NMD3: variants seen among roughly 807,000 people sequenced by gnomAD.
NMD3 encodes 60S ribosomal export protein NMD3.
In NMD3, 47 loss-of-function variants were observed where a neutral mutation model predicts 73.1. The observed-to-expected ratio is 0.64, with a 90% confidence interval of 0.51 to 0.82. The LOEUF is 0.82. Ranked by LOEUF, NMD3 falls within the 40% of genes least tolerant of loss-of-function variation. NMD3 has a pLI of 0.00. For synonymous variants in NMD3, 210 were observed against 194.5 expected (o/e 1.08, Z -0.66); for missense variants, 554 against 612.5 (o/e 0.90, Z 1.01).
At chr3:161,227,466 G>C in intron 4 of NMD3, 123 bp downstream of exon 4, 1 of 558,458 alleles carries the variant, frequency 1.8e-6, no homozygotes, top group South Asian at 2.1e-5. Context: ...TTTTTGAGGT[G>C]GGGTCTTGAA....
At chr3:161,226,292 A>G (rs554013695) in intron 3 of NMD3, among the ~76,000 whole-genome samples, 163 of 152,096 alleles carry the variant, frequency 1.1e-3, no homozygotes, top group African/African-American at 3.7e-3. Context: ...TGTCTCTACT[A>G]AAAATACAAA....
chr3:161,225,150 A>T lies in NMD3; in HGVS notation c.179+86A>T, dbSNP rs555028780. Reference sequence around the variant, plus strand: ...AGATATGCTGAGATTACACGAAGGTATATGGAGTAAAGTGCATGCAATTAA... The same window carrying T: ...AGATATGCTGAGATTACACGAAGGTTTATGGAGTAAAGTGCATGCAATTAA... On this transcript the variant is annotated intron_variant, in intron 3 of 15. Coordinates refer to ENST00000351193, the MANE Select transcript of NMD3 (RefSeq NM_015938.5). 3 of 1,394,762 alleles carry T rather than the reference A, an allele frequency of 2.2e-6. No individual in the cohort carries two copies. The South Asian group carries it at 4.2e-5, about 19-fold the overall frequency. 86.4% of individuals were successfully genotyped at this position (1,394,762 alleles called of 1,614,324 possible).
chr3:161,253,002 C>A, downstream of NMD3: 1 of 325,564 alleles, frequency 3.1e-6, no homozygotes, highest in Non-Finnish European at 5.7e-6. Flanking sequence ...GACGCTGAGG[C>A]AGGAGAATCA....
intron 3 of NMD3, among the ~76,000 whole-genome samples, chr3:161,225,486 G>T (rs1356209542): frequency 2.0e-5 from 3 of 151,856 alleles, no homozygotes; most frequent in African/African-American, 7.3e-5. Context: ...TAACATTCAC[G>T]TGTAATTAAA....
chr3:161,244,272 A>G (rs1737105253), intron 11 of NMD3, among the ~76,000 whole-genome samples: 1 of 151,990 alleles, frequency 6.6e-6, no homozygotes, highest in African/African-American at 2.4e-5. Flanking sequence ...TGGGACCACA[A>G]GTATGTGCCA....
chr3:161,228,804 G>T (rs754436000), intron 4 of NMD3, among the ~76,000 whole-genome samples: 12 of 152,110 alleles, frequency 7.9e-5, no homozygotes, highest in Non-Finnish European at 1.8e-4. Context: ...CCAGTGTGGA[G>T]CAGCATGTTA....
Position 161,250,302 on chromosome 3 carries a change from C to A in NMD3, c.1357C>A (p.Arg453=), listed in dbSNP as rs750384531. ...LEDLEEDEAI[R]KNVNIYRDSA... ...AGATCTTGAAGAAGATGAGGCAATT[C>A]GAAAAAATGTCAACATTTACAGAGG... The change falls in exon 15 of 16, where the codon CGA becomes AGA. Residue 453 remains arginine, a synonymous_variant. Coordinates refer to ENST00000351193, the MANE Select transcript of NMD3 (RefSeq NM_015938.5). 3.7e-6 allele frequency: 6 copies of A among 1,602,522 alleles called. No homozygotes were observed. The highest frequency in any genetic ancestry group is 5.1e-6 in the Non-Finnish European group (6 of 1,170,594).
At chr3:161,240,371 T>G (rs1056791956) in intron 9 of NMD3, among the ~76,000 whole-genome samples, 1 of 152,140 alleles carries the variant, frequency 6.6e-6, no homozygotes, top group Non-Finnish European at 1.5e-5. Context: ...TAATGGAGAT[T>G]GAAAGAAGTC....
intron 13 of NMD3, among the ~76,000 whole-genome samples, chr3:161,248,576 A>G (rs1009283398): frequency 6.6e-5 from 10 of 152,170 alleles, no homozygotes; most frequent in African/African-American, 2.2e-4. Context: ...ACTTCGTTTC[A>G]CATACATTGT....
chr3:161,252,475 TCTA>T (rs1198952457), downstream of NMD3, among the ~76,000 whole-genome samples: 2 of 152,220 alleles, frequency 1.3e-5, no homozygotes, highest in Non-Finnish European at 2.9e-5. Flanking sequence ...ATTTTGATGT[TCTA>T]TTAAGTATTG....
intron 11 of NMD3, among the ~76,000 whole-genome samples, chr3:161,244,654 TTTTA>T (rs1737126368): frequency 6.6e-6 from 1 of 150,598 alleles, no homozygotes; most frequent in African/African-American, 2.4e-5. Flanking sequence ...TTTTTTTTTT[TTTTA>T]AAGAGACAAG....
intron 2 of NMD3, 63 bp downstream of exon 2, chr3:161,222,120 C>T: frequency 1.5e-6 from 2 of 1,349,666 alleles, no homozygotes; most frequent in Non-Finnish European, 2.1e-6. Context: ...CCGGGAAACT[C>T]ACTATGGAGA....
At position 161,250,765 on chromosome 3, in the gene NMD3, T is replaced by C. The variant is rs762732104; in HGVS notation, c.1382-15T>C. On this transcript the variant is annotated splice_polypyrimidine_tract_variant and intron_variant, in intron 15 of 15. Transcript: ENST00000351193. ...AATACTTTGTATTTATTTTATTCTCTTTGTATTTTTTTAGATTCAGCCATC... is the reference window on the plus strand; with the variant it reads ...AATACTTTGTATTTATTTTATTCTCCTTGTATTTTTTTAGATTCAGCCATC... 1 of 1,560,320 alleles carries C rather than the reference T, an allele frequency of 6.4e-7. No individual in the cohort carries two copies. The highest frequency in any genetic ancestry group is 8.8e-7 in the Non-Finnish European group (1 of 1,135,586).
In NMD3 at chr3:161,235,331, GGA is replaced by G; in HGVS notation, c.577+120_577+121del. ...TACTGTCCAAAAGAACTTTCTGTTA[GGA>G]AAAAAAAAAAAAACAACTTAATTCT... On this transcript the variant is annotated intron_variant, in intron 7 of 15. Coordinates refer to ENST00000351193, the MANE Select transcript of NMD3 (RefSeq NM_015938.5). 1.3e-5 allele frequency: 5 copies of G among 385,966 alleles called. No individual in the cohort carries two copies. The South Asian group carries it at 1.9e-4, about 15-fold the overall frequency. The allele number at this position is 385,966 out of a possible 1,614,324, so 23.9% of individuals were successfully genotyped here.
chr3:161,249,984 C>G (rs1576862068), intron 14 of NMD3, among the ~76,000 whole-genome samples: 1 of 151,960 alleles, frequency 6.6e-6, no homozygotes, highest in South Asian at 2.1e-4. Context: ...AAAAAGGAAA[C>G]AGCTCATTGA....
intron 13 of NMD3, 144 bp downstream of exon 13, chr3:161,247,474 A>T (rs968740875): frequency 7.4e-4 from 261 of 351,090 alleles, no homozygotes; most frequent in South Asian, 9.5e-4. Flanking sequence ...TAATAGCAAA[A>T]TTTTTTTTTT....
At position 161,224,980 on chromosome 3, in the gene NMD3, G is replaced by T. The variant is rs781518343; in HGVS notation, c.95G>T (p.Cys32Phe). The T allele has an allele frequency of 6.2e-7, 1 of 1,613,920 alleles. No individual in the cohort carries two copies. Among genetic ancestry groups the T allele is most frequent in the South Asian group, 1.1e-5 (1 of 91,060 alleles). The change falls in exon 3 of 16, where the codon TGT (cysteine) becomes TTT (phenylalanine). Residue 32 changes from cysteine (C) to phenylalanine (F), a missense_variant. Coordinates refer to ENST00000351193, the MANE Select transcript of NMD3 (RefSeq NM_015938.5). ...ATAAGTCCAAATCCTGCCAATATTTGTGTGGCCTGTTTGCGAAGTAAAGTG... is the reference window on the plus strand; with the variant it reads ...ATAAGTCCAAATCCTGCCAATATTTTTGTGGCCTGTTTGCGAAGTAAAGTG... ...VPISPNPANICVACLRSKVDI... is the reference protein window; with the variant it reads ...VPISPNPANIFVACLRSKVDI...
At position 161,238,180 on chromosome 3, in the gene NMD3, A is replaced by G; in HGVS notation, c.645A>G (p.Thr215=). 4 of 1,599,142 alleles carry G rather than the reference A, an allele frequency of 2.5e-6. No individual in the cohort carries two copies. Among genetic ancestry groups the G allele is most frequent in the Non-Finnish European group, 3.4e-6 (4 of 1,170,438 alleles). ...AGATGGTCGAATTTCTTCAGTGTAC[A>G]GTTCCCTGTAGGTATGTTCTGAACC... ...AQKMVEFLQC[T]VPCRYKASQR... Residue 215 remains threonine (T), a synonymous_variant, in exon 8 of 16, where the codon ACA becomes ACG. Transcript: ENST00000351193.
intron 4 of NMD3, among the ~76,000 whole-genome samples, chr3:161,233,126 T>C (rs1039909824): frequency 6.6e-6 from 1 of 152,124 alleles, no homozygotes; most frequent in Admixed American, 6.5e-5. Flanking sequence ...TTTTTTTTTT[T>C]TTAAGGGAAA....
Sources: gnomAD v4.1 joint callset for allele counts (sites outside exome capture counted in the v4.1 genomes callset) on GRCh38, gnomAD v4.1.1 for gene constraint, MANE v1.5 for transcripts, NCBI Gene and HGNC (gene_info 2026-07-23, HGNC 2026-07-21) for gene names.